The following ZNF445 variants were observed in gnomAD, a reference collection of about 807,000 sequenced individuals.
ZNF445 encodes zinc finger protein 168.
ZNF445 carries 19 observed loss-of-function variants against 93.9 expected under a neutral mutation model. The observed-to-expected ratio is 0.20, with a 90% CI of 0.14 to 0.30. The LOEUF is 0.30. Ranked by LOEUF, ZNF445 falls within the 10% of genes least tolerant of loss-of-function variation. ZNF445 has a pLI of 1.00. For missense variants in ZNF445, 1,058 were observed against 1,259.4 expected (o/e 0.84, Z 2.42); for synonymous variants, 449 against 446.3 (o/e 1.01, Z -0.08).
chr3:44,473,266 C>G (rs1172199087), intron 1 of ZNF445, among the ~76,000 whole-genome samples: 1 of 151,958 alleles, frequency 6.6e-6, no homozygotes, highest in Non-Finnish European at 1.5e-5. Context: ...ACCAGCCTGA[C>G]CAACATGGAG....
Position 44,441,524 on chromosome 3 carries a change from T to C in ZNF445, c.*5051A>G, listed in dbSNP as rs976261994. The C allele has an allele frequency of 6.6e-6, 1 of 152,214 alleles. No individual in the cohort carries two copies. Among genetic ancestry groups the C allele is most frequent in the South Asian group, 2.1e-4 (1 of 4,832 alleles). The allele number at this position is 152,214 out of a possible 1,614,324, so 9.4% of individuals were successfully genotyped here. ...GGAGTCACTCTGGTTCAAACGCCTC[T>C]GACACTCCCAATTTTTGCAGGTGAG... On this transcript the variant is annotated 3_prime_UTR_variant, in exon 8 of 8. Transcript: ENST00000396077.
intron 7 of ZNF445, among the ~76,000 whole-genome samples, chr3:44,449,180 A>G (rs1288379345): frequency 6.6e-6 from 1 of 152,206 alleles, no homozygotes; most frequent in Non-Finnish European, 1.5e-5. Flanking sequence ...GAAAGGGGTG[A>G]GTACAGGAGT....
chr3:44,473,311 C>T (rs757776263), intron 1 of ZNF445, among the ~76,000 whole-genome samples: 3 of 151,690 alleles, frequency 2.0e-5, no homozygotes, highest in Non-Finnish European at 4.4e-5. Context: ...AAAAATTAGC[C>T]GGCATGGTGC....
At chr3:44,452,416 G>A (rs919136364) in intron 3 of ZNF445, among the ~76,000 whole-genome samples, 16 of 150,778 alleles carry the variant, frequency 1.1e-4, no homozygotes, top group Admixed American at 6.6e-4. Flanking sequence ...AAACTTTCTC[G>A]GGCCCTGGTT....
intron 1 of ZNF445, among the ~76,000 whole-genome samples, chr3:44,465,858 G>A (rs1313728317): frequency 6.6e-6 from 1 of 152,166 alleles, no homozygotes; most frequent in Non-Finnish European, 1.5e-5. Flanking sequence ...AGGTTGCAGT[G>A]AGTCGAGATC....
intron 3 of ZNF445, among the ~76,000 whole-genome samples, chr3:44,451,729 A>T (rs533385396): frequency 6.6e-6 from 1 of 152,160 alleles, no homozygotes; most frequent in Non-Finnish European, 1.5e-5. Flanking sequence ...CCAGCTCAAC[A>T]CAAGGAAGCA....
Position 44,453,350 on chromosome 3 carries a change from A to G in ZNF445, c.429+1771T>C, listed in dbSNP as rs367709261. ...TGTTCTGTTGCCCAGTCTAGACTGC[A>G]CTGGTGAAATCTCAGCTCACTGCAG... On this transcript the variant is annotated intron_variant, in intron 3 of 7. Coordinates refer to ENST00000396077, the MANE Select transcript of ZNF445 (RefSeq NM_181489.6). Among the ~76,000 whole-genome samples the G allele has an allele frequency of 5.3e-5, 8 of 151,618 alleles. No homozygotes were observed. In the East Asian group the frequency reaches 9.7e-4, roughly 18 times the overall value.
At position 44,447,183 on chromosome 3, in the gene ZNF445, C is replaced by T; in HGVS notation, c.2488G>A (p.Glu830Lys). The T allele has an allele frequency of 6.2e-7, 1 of 1,614,182 alleles. No homozygotes were observed. The highest frequency in any genetic ancestry group is 8.5e-7 in the Non-Finnish European group (1 of 1,180,034). The change falls in exon 8 of 8, where the codon GAG becomes AAG. Residue 830 changes from glutamate to lysine, a missense_variant. Physicochemically the swap from Glu to Lys is moderately conservative, Grantham distance 56. Around this residue, in one of 3 missense-constraint regions of ZNF445, gnomAD observed 387 missense variants for 475.7 expected, o/e 0.81. Coordinates refer to ENST00000396077, the MANE Select transcript of ZNF445 (RefSeq NM_181489.6). The surrounding 1 kb of genome is among the most constrained non-coding windows in gnomAD (Gnocchi z 4.7). ...CHESEKTPNV[E>K]PKILTGEKRF... is the part of the protein sequence containing the mutation. ...TTCTCACCAGTGAGGATTTTTGGCT[C>T]CACATTTGGAGTCTTTTCACTTTCA...
chr3:44,446,774 G>A lies in ZNF445; in HGVS notation c.2897C>T (p.Thr966Ile), dbSNP rs1195882884. 3.1e-6 allele frequency: 5 copies of A among 1,614,200 alleles called. No homozygotes were observed. The highest frequency in any genetic ancestry group is 4.2e-6 in the Non-Finnish European group (5 of 1,180,040). Reference protein sequence around the residue: ...KEACSQSSRLTGLQDISIGKK... With the variant: ...KEACSQSSRLIGLQDISIGKK... Reference sequence around the variant, plus strand: ...CCCAATGCTTATGTCCTGGAGTCCAGTGAGCCTGGAGCTCTGGCTGCAAGC... The same window carrying A: ...CCCAATGCTTATGTCCTGGAGTCCAATGAGCCTGGAGCTCTGGCTGCAAGC... Residue 966 changes from threonine (T) to isoleucine (I), a missense_variant, in exon 8 of 8, where the codon ACT (threonine) becomes ATT (isoleucine). Thr to Ile is a moderately conservative substitution (Grantham distance 89). This residue lies in a region of ZNF445 where 387 missense variants were observed against 475.7 expected (regional missense o/e 0.81). Transcript: ENST00000396077. The surrounding 1 kb of genome is among the most constrained non-coding windows in gnomAD (Gnocchi z 4.2).
intron 1 of ZNF445, among the ~76,000 whole-genome samples, chr3:44,477,145 G>T (rs1698372407): frequency 6.6e-6 from 1 of 152,122 alleles, no homozygotes; most frequent in South Asian, 2.1e-4. Context: ...ATACTAACAG[G>T]TTTTTTAAAA....
rs1697691309 is a variant in ZNF445, at chr3:44,436,871, C to T, written c.*9704G>A. The T allele has an allele frequency of 6.6e-6, 1 of 152,214 alleles. No homozygotes were observed. The highest frequency in any genetic ancestry group is 2.4e-5 in the African/African-American group (1 of 41,466). The allele number at this position is 152,214 out of a possible 1,614,324, so 9.4% of individuals were successfully genotyped here. A position where few individuals can be genotyped will look rare whatever the true frequency, so the allele number is the denominator to read the frequency against. On this transcript the variant is annotated 3_prime_UTR_variant, in exon 8 of 8. Coordinates refer to ENST00000396077, the MANE Select transcript of ZNF445 (RefSeq NM_181489.6). ...CCCATATCGAATAATTCAGCTTGAT[C>T]TGACTTTATATTCCTTCCACGATGA... is the stretch of plus-strand genomic sequence containing the variant.
chr3:44,456,657 T>C (rs551394891), intron 2 of ZNF445, among the ~76,000 whole-genome samples: 216 of 152,276 alleles, frequency 1.4e-3, no homozygotes, highest in Non-Finnish European at 2.5e-3. Flanking sequence ...CAAATGTGAT[T>C]TTGCTATTAT....
At chr3:44,460,344 C>A (rs1575313811) in intron 1 of ZNF445, among the ~76,000 whole-genome samples, 1 of 152,290 alleles carries the variant, frequency 6.6e-6, no homozygotes, top group Middle Eastern at 3.4e-3. Context: ...CAACCCTTTC[C>A]CAAAGCAGAT....
At chr3:44,448,800 C>G in intron 7 of ZNF445, 61 bp from the exon 8 acceptor site, 1 of 1,527,098 alleles carries the variant, frequency 6.5e-7, no homozygotes, top group East Asian at 2.4e-5. Flanking sequence ...CTGCAGAAAG[C>G]ACCAAAGGGC....
chr3:44,441,661 A>G lies in ZNF445; in HGVS notation c.*4914T>C, dbSNP rs1280399798. ...GAGACTATGCTTAAGAAATATTTTT[A>G]CTTTGAAACACTTTAAGCAAACAGT... is the stretch of plus-strand genomic sequence containing the variant. On this transcript the variant is annotated 3_prime_UTR_variant, in exon 8 of 8. Coordinates refer to ENST00000396077, the MANE Select transcript of ZNF445 (RefSeq NM_181489.6). 1 of 152,176 alleles carries G rather than the reference A, an allele frequency of 6.6e-6. No individual in the cohort carries two copies. Among genetic ancestry groups the G allele is most frequent in the African/African-American group, 2.4e-5 (1 of 41,436 alleles). 9.4% of individuals were successfully genotyped at this position (152,176 alleles called of 1,614,324 possible).
intron 1 of ZNF445, among the ~76,000 whole-genome samples, chr3:44,473,097 G>A (rs1698293171): frequency 6.6e-6 from 1 of 152,102 alleles, no homozygotes; most frequent in Admixed American, 6.5e-5. Context: ...TTTCCTACCA[G>A]TGTAAGTGTA....
At chr3:44,476,370 T>C (rs1302930133) in intron 1 of ZNF445, among the ~76,000 whole-genome samples, 1 of 76,726 alleles carries the variant, frequency 1.3e-5, no homozygotes, top group African/African-American at 4.8e-5. Flanking sequence ...ACAGTAAGAC[T>C]TTTTTTTTTT....
At chr3:44,469,724 G>A (rs1268382688) in intron 1 of ZNF445, among the ~76,000 whole-genome samples, 2 of 151,928 alleles carry the variant, frequency 1.3e-5, no homozygotes, top group African/African-American at 4.8e-5. Context: ...AGCCAAGATC[G>A]TGCCACTGCA....
rs1312364555 is a variant in ZNF445 at position 44,441,073 on chromosome 3, C to G, written c.*5502G>C. On this transcript the variant is annotated 3_prime_UTR_variant, in exon 8 of 8. Coordinates refer to ENST00000396077, the MANE Select transcript of ZNF445 (RefSeq NM_181489.6). ...GGATTACAGGCACGTGCCACCATGC[C>G]CAGCTAATTTTTGTATTTTTTAGTA... is the stretch of plus-strand genomic sequence containing the variant. 6.6e-6 allele frequency: 1 copy of G among 152,098 alleles called. No individual in the cohort carries two copies. Among genetic ancestry groups the G allele is most frequent in the Non-Finnish European group, 1.5e-5 (1 of 68,036 alleles). The allele number at this position is 152,098 out of a possible 1,614,324, so 9.4% of individuals were successfully genotyped here. A position where few individuals can be genotyped will look rare whatever the true frequency, so the allele number is the denominator to read the frequency against.
Sources: allele counts gnomAD v4.1 joint callset (sites outside exome capture counted in the v4.1 genomes callset), GRCh38; gene constraint gnomAD v4.1.1; regional missense constraint gnomAD v4.1.1; non-coding constraint Gnocchi (gnomAD v3.1); transcripts MANE v1.5; gene names NCBI Gene and HGNC (gene_info 2026-07-23, HGNC 2026-07-21).